SYMPK: variants seen among roughly 807,000 people sequenced by gnomAD.
The protein encoded by SYMPK is symplekin.
SYMPK carries 49 observed loss-of-function variants against 136.4 expected under a neutral mutation model. The ratio of observed to expected loss-of-function variants is 0.36; its 90% CI spans 0.29 to 0.46. The LOEUF (loss-of-function observed/expected upper bound fraction) is 0.46, where lower values mean the gene tolerates loss of function less well. Ranked by LOEUF, SYMPK falls within the 20% of genes least tolerant of loss-of-function variation. The pLI, the probability that SYMPK is intolerant of heterozygous loss-of-function variation, is 1.00. For synonymous variants in SYMPK, 766 were observed against 713.0 expected (o/e 1.07, Z -1.19); for missense variants, 1,365 against 1,690.0 (o/e 0.81, Z 3.37).
intron 10 of SYMPK, among the ~76,000 whole-genome samples, chr19:45,837,493 G>C (rs1034290373): frequency 6.6e-6 from 1 of 151,590 alleles, no homozygotes; most frequent in African/African-American, 2.4e-5. Flanking sequence ...GGTGGGCGCT[G>C]GTAATCCCAG....
Position 45,854,223 on chromosome 19 carries a change from G to C in SYMPK, c.123C>G (p.Asn41Lys). ...AGTCATTGGTGATCAGCGCCGCCTG[G>C]TTCAGAAGATCCACCACCTGGAAGG... ...TTSERVVDLL[N>K]QAALITNDSK... Residue 41 changes from asparagine (N) to lysine (K), a missense_variant, in exon 3 of 27, where the codon AAC becomes AAG. This residue lies in a region of SYMPK where 61 missense variants were observed against 80.7 expected (regional missense o/e 0.76). Transcript: ENST00000245934. The C allele has an allele frequency of 6.2e-7, 1 of 1,614,124 alleles. No homozygotes were observed. Among genetic ancestry groups the C allele is most frequent in the Non-Finnish European group, 8.5e-7 (1 of 1,180,016 alleles).
intron 6 of SYMPK, 62 bp downstream of exon 6, chr19:45,848,688 A>G (rs1041441238): frequency 8.7e-6 from 14 of 1,607,636 alleles, no homozygotes; most frequent in African/African-American, 1.3e-5. Flanking sequence ...GAACCCCAAC[A>G]TATTAGTTTG....
rs538739552 is a variant in SYMPK at position 45,858,918 on chromosome 19, G to A, written c.-13+4140C>T. On this transcript the variant is annotated intron_variant, in intron 1 of 26. Coordinates refer to ENST00000245934, the MANE Select transcript of SYMPK (RefSeq NM_004819.3). ...CACACTACATATTTATAAGTTCCAC[G>A]AGGACAGTGATTTATTTATTTGAAA... Among the ~76,000 whole-genome samples, 7 of 132,080 alleles carry A rather than the reference G, an allele frequency of 5.3e-5. No homozygotes were observed. In the East Asian group the frequency reaches 7.6e-4, roughly 14 times the overall value. The allele number at this position is 132,080 out of a possible 152,430, so 86.6% of individuals were successfully genotyped here. A position where few individuals can be genotyped will look rare whatever the true frequency, so the allele number is the denominator to read the frequency against.
At chr19:45,829,756 C>T (rs993480504) in intron 13 of SYMPK, among the ~76,000 whole-genome samples, 6 of 152,212 alleles carry the variant, frequency 3.9e-5, no homozygotes, top group African/African-American at 1.4e-4. Flanking sequence ...ACGTTAACAA[C>T]CGTGAAGAAC....
chr19:45,825,720 C>T (rs1971028095), intron 17 of SYMPK, among the ~76,000 whole-genome samples: 1 of 152,198 alleles, frequency 6.6e-6, no homozygotes, highest in Admixed American at 6.5e-5. Context: ...GTCACATACC[C>T]ATTCTAACAG....
rs956867028 is a variant in SYMPK, at chr19:45,862,217, T to G, written c.-13+841A>C. Reference sequence around the variant, plus strand: ...TTATGTGGATGTATTATAGTTTCTTTCAGCCAATCTTCTTATTTAAGAACA... The same window carrying G: ...TTATGTGGATGTATTATAGTTTCTTGCAGCCAATCTTCTTATTTAAGAACA... On this transcript the variant is annotated intron_variant, in intron 1 of 26. Transcript: ENST00000245934. Among the ~76,000 whole-genome samples, 16 of 152,188 alleles carry G rather than the reference T, an allele frequency of 1.1e-4. 1 individual carries two copies. Among genetic ancestry groups the G allele is most frequent in the Admixed American group, 9.8e-4 (15 of 15,272 alleles).
chr19:45,833,225 TAAAC>T (rs1025594993), intron 11 of SYMPK, among the ~76,000 whole-genome samples: 17 of 148,890 alleles, frequency 1.1e-4, no homozygotes, highest in East Asian at 4.1e-4. Flanking sequence ...TAAATAAAAA[TAAAC>T]AAACAAAAAA....
chr19:45,839,423 T>G (rs774306823), intron 9 of SYMPK, among the ~76,000 whole-genome samples: 13 of 152,180 alleles, frequency 8.5e-5, no homozygotes, highest in Admixed American at 2.0e-4. Context: ...AAATTCCTGA[T>G]AGTAAGTGGG....
rs147976295 is a variant in SYMPK at position 45,854,384 on chromosome 19, C to G, written c.105+7G>C. ...TCCTCACTCCAAGCCCTACCCGCCA[C>G]GCTCACCCTCTCTGAGGTGGTCATG... On this transcript the variant is annotated splice_region_variant and intron_variant, in intron 2 of 26. Transcript: ENST00000245934. The G allele has an allele frequency of 6.2e-7, 1 of 1,613,646 alleles. No individual in the cohort carries two copies. Among genetic ancestry groups the G allele is most frequent in the African/African-American group, 1.3e-5 (1 of 74,918 alleles).
chr19:45,851,184 G>A (rs1307953839), intron 5 of SYMPK, among the ~76,000 whole-genome samples: 1 of 152,228 alleles, frequency 6.6e-6, no homozygotes, highest in Non-Finnish European at 1.5e-5. Flanking sequence ...TGCAAGAGTG[G>A]AAGCGGGAAA....
At chr19:45,834,437 C>T (rs971698790) in intron 11 of SYMPK, among the ~76,000 whole-genome samples, 1 of 139,968 alleles carries the variant, frequency 7.1e-6, no homozygotes, top group African/African-American at 2.7e-5. Flanking sequence ...CCAGCCTGGG[C>T]AACAGAGCGA....
At chr19:45,833,549 C>A (rs1971235788) in intron 11 of SYMPK, among the ~76,000 whole-genome samples, 1 of 151,462 alleles carries the variant, frequency 6.6e-6, no homozygotes, top group Non-Finnish European at 1.5e-5. Context: ...TTGCAGTGAG[C>A]TGAGATCGTG....
At chr19:45,843,743 G>A (rs1971497369) in intron 8 of SYMPK, among the ~76,000 whole-genome samples, 1 of 151,872 alleles carries the variant, frequency 6.6e-6, no homozygotes, top group Non-Finnish European at 1.5e-5. Flanking sequence ...TCAAGAGATA[G>A]AGATCATCCT....
At chr19:45,844,994 G>A (rs1971527409) in intron 7 of SYMPK, among the ~76,000 whole-genome samples, 1 of 152,128 alleles carries the variant, frequency 6.6e-6, no homozygotes, top group Non-Finnish European at 1.5e-5. Flanking sequence ...GGTAAATGGG[G>A]TCTCCATCAC....
At chr19:45,832,380 G>A (rs996801991) in intron 11 of SYMPK, among the ~76,000 whole-genome samples, 1 of 151,612 alleles carries the variant, frequency 6.6e-6, no homozygotes, top group Non-Finnish European at 1.5e-5. Context: ...GACCTCAGGT[G>A]ATCCACCCGC....
chr19:45,844,139 A>C lies in SYMPK; in HGVS notation c.738T>G (p.Pro246=). 1 of 1,612,558 alleles carries C rather than the reference A, an allele frequency of 6.2e-7. No homozygotes were observed. Among genetic ancestry groups the C allele is most frequent in the Non-Finnish European group, 8.5e-7 (1 of 1,179,360 alleles). The change falls in exon 8 of 27, where the codon CCT becomes CCG. Residue 246 remains proline (P), a synonymous_variant. Transcript: ENST00000245934. The part of the protein sequence containing the change: ...LEQLLKFMVH[P]AISSINLTTA... ...TGGTCAGGTTGATGGAGGAGATGGC[A>C]GGGTGCACCATGAACTTAAGCAGCT...
chr19:45,840,914 G>A (rs1278455490), intron 9 of SYMPK, among the ~76,000 whole-genome samples: 1 of 151,812 alleles, frequency 6.6e-6, no homozygotes, highest in East Asian at 1.9e-4. Context: ...TGAAAACAAG[G>A]TACAGAATAC....
chr19:45,861,420 T>A (rs1971964479), intron 1 of SYMPK, among the ~76,000 whole-genome samples: 1 of 152,144 alleles, frequency 6.6e-6, no homozygotes, highest in South Asian at 2.1e-4. Context: ...AACCCATATA[T>A]ACATATTTCC....
At chr19:45,823,136 G>A (rs771687044) in intron 20 of SYMPK, among the ~76,000 whole-genome samples, 1 of 152,228 alleles carries the variant, frequency 6.6e-6, no homozygotes, top group African/African-American at 2.4e-5. Context: ...AGGTAGAGGA[G>A]GAAGCAGCAG....
Sources: gnomAD v4.1 joint callset for allele counts (sites outside exome capture counted in the v4.1 genomes callset) on GRCh38, gnomAD v4.1.1 for gene constraint, gnomAD v4.1.1 regional missense constraint, MANE v1.5 for transcripts, NCBI Gene and HGNC (gene_info 2026-07-23, HGNC 2026-07-21) for gene names.